The following DMTF1 variants were observed in gnomAD, a reference collection of about 807,000 sequenced individuals.
DMTF1 encodes the protein cyclin D binding myb like transcription factor 1, also known as cyclin-D-binding Myb-like transcription factor 1.
A neutral mutation model predicts 91.1 loss-of-function variants in DMTF1; 39 were observed. The ratio of observed to expected loss-of-function variants is 0.43; its 90% CI spans 0.33 to 0.56. The LOEUF (loss-of-function observed/expected upper bound fraction) is 0.56, where lower values mean the gene tolerates loss of function less well. Ranked by LOEUF, DMTF1 falls within the 20% of genes least tolerant of loss-of-function variation. The probability of loss-of-function intolerance (pLI) is 0.05; values close to 1 mark genes in which losing one functional copy is unlikely to be tolerated. For missense variants in DMTF1, 750 were observed against 914.5 expected (o/e 0.82, Z 2.32); for synonymous variants, 338 against 309.5 (o/e 1.09, Z -0.97).
chr7:87,184,817 T>A (rs1033235094), intron 11 of DMTF1, 192 bp downstream of exon 11: 3 of 674,548 alleles, frequency 4.4e-6, no homozygotes, highest in East Asian at 5.8e-5. Context: ...TTTTTTTTTT[T>A]AGTGGGTTTA....
rs1246555917 is a variant in DMTF1 at position 87,188,166 on chromosome 7, T to A, written c.1276T>A (p.Ser426Thr). The A allele has an allele frequency of 1.2e-6, 2 of 1,613,956 alleles. No homozygotes were observed. The highest frequency in any genetic ancestry group is 1.7e-6 in the Non-Finnish European group (2 of 1,179,914). The change falls in exon 13 of 18, where the codon TCT becomes ACT. Residue 426 changes from serine (S) to threonine (T), a missense_variant. Transcript: ENST00000331242. Reference protein sequence around the residue: ...NPTLLENKSGSGVPNSNTNSS... With the variant: ...NPTLLENKSGTGVPNSNTNSS... ...AACGCTTTTGGAGAATAAATCAGGA[T>A]CTGGAGTTCCAAACAGTAATACCAA...
chr7:87,167,797 A>G (rs573321011), intron 4 of DMTF1, among the ~76,000 whole-genome samples: 6 of 152,280 alleles, frequency 3.9e-5, no homozygotes, highest in Middle Eastern at 3.4e-3. Flanking sequence ...TAATTTGACT[A>G]TCATTATGTT....
At position 87,193,940 on chromosome 7, in the gene DMTF1, T is replaced by C; in HGVS notation, c.1866T>C (p.Thr622=). The change falls in exon 16 of 18, where the codon ACT becomes ACC. Residue 622 remains threonine (T), a synonymous_variant. Coordinates refer to ENST00000331242, the MANE Select transcript of DMTF1 (RefSeq NM_001142327.2). ...ATGAAATTCATCACCCTAAGATGAC[T>C]GTGGAGCCATCATTTAATGATGCTC... ...FPDEIHHPKM[T]VEPSFNDAHV... 6.2e-7 allele frequency: 1 copy of C among 1,613,366 alleles called. No homozygotes were observed. The highest frequency in any genetic ancestry group is 8.5e-7 in the Non-Finnish European group (1 of 1,179,608).
At chr7:87,186,011 C>G in intron 12 of DMTF1, 31 bp downstream of exon 12, 1 of 1,612,146 alleles carries the variant, frequency 6.2e-7, no homozygotes, top group Non-Finnish European at 8.5e-7. Context: ...TAAGCTCCTC[C>G]CCTTTTCTTA....
intron 1 of DMTF1, among the ~76,000 whole-genome samples, chr7:87,154,029 A>G (rs1422895491): frequency 6.6e-6 from 1 of 152,224 alleles, no homozygotes; most frequent in African/African-American, 2.4e-5. Context: ...TTAAAGAATG[A>G]CTATGGCGAT....
chr7:87,157,226 T>TTA (rs1790986918), intron 1 of DMTF1, among the ~76,000 whole-genome samples: 1 of 152,150 alleles, frequency 6.6e-6, no homozygotes, highest in Non-Finnish European at 1.5e-5. Flanking sequence ...AACAAAATTG[T>TTA]GGTGCTATAT....
intron 5 of DMTF1, 33 bp downstream of exon 5, chr7:87,171,122 A>G (rs1794974513): frequency 7.0e-7 from 1 of 1,420,282 alleles, no homozygotes; most frequent in Non-Finnish European, 9.9e-7. Flanking sequence ...CCTCAGGAGG[A>G]TGATCCTTTA....
At chr7:87,153,463 A>T (rs1208591487) in intron 1 of DMTF1, among the ~76,000 whole-genome samples, 1 of 152,224 alleles carries the variant, frequency 6.6e-6, no homozygotes, top group Non-Finnish European at 1.5e-5. Context: ...AGAAGTGGCC[A>T]AGTGCCCTTT....
intron 8 of DMTF1, among the ~76,000 whole-genome samples, chr7:87,180,856 C>CTTTTTTTTTTTTTTTTTTTTTTTT (rs397889347): frequency 7.8e-6 from 1 of 127,698 alleles, no homozygotes; most frequent in African/African-American, 2.9e-5. Flanking sequence ...TTATTTTCAA[C>CTTTTTTTTTTTTTTTTTTTTTTTT]TTTTTTTTTT....
At chr7:87,184,991 A>G in intron 11 of DMTF1, 1 of 433,368 alleles carries the variant, frequency 2.3e-6, no homozygotes. Context: ...AGGGCTGTTC[A>G]GTCTCCATGC....
At chr7:87,183,550 A>G (rs1797813994) in intron 10 of DMTF1, among the ~76,000 whole-genome samples, 1 of 152,216 alleles carries the variant, frequency 6.6e-6, no homozygotes, top group African/African-American at 2.4e-5. Flanking sequence ...TCTTGAATCC[A>G]TCCACAGTAT....
rs1338693890 is a variant in DMTF1 at position 87,152,468 on chromosome 7, A to C, written c.-219A>C. The stretch of plus-strand genomic sequence containing the variant: ...GCGCTCGCTCACTCCAGCTGCAGCC[A>C]CTCTCGCCCGTGGCTGCTTCCTCCA... On this transcript the variant is annotated 5_prime_UTR_variant, in exon 1 of 18. Transcript: ENST00000331242. 6.5e-6 allele frequency: 1 copy of C among 153,146 alleles called. No homozygotes were observed. The highest frequency in any genetic ancestry group is 2.4e-5 in the African/African-American group (1 of 41,290). 9.5% of individuals were successfully genotyped at this position (153,146 alleles called of 1,614,324 possible).
intron 1 of DMTF1, among the ~76,000 whole-genome samples, chr7:87,158,932 C>G: frequency 6.6e-6 from 1 of 151,938 alleles, no homozygotes; most frequent in East Asian, 1.9e-4. Context: ...CAAAAATGAT[C>G]TGGCTCACTG....
intron 10 of DMTF1, among the ~76,000 whole-genome samples, chr7:87,182,824 C>A (rs1335207648): frequency 1.3e-5 from 2 of 152,110 alleles, no homozygotes; most frequent in African/African-American, 4.8e-5. Context: ...GTATATTTTT[C>A]CATAGAAAAA....
chr7:87,173,502 T>TGTTTC, intron 5 of DMTF1, 33 bp from the exon 6 acceptor site: 1 of 1,452,922 alleles, frequency 6.9e-7, no homozygotes, highest in Non-Finnish European at 9.5e-7. Context: ...TGTTTTGTTT[T>TGTTTC]GTTTTGTTTT....
At chr7:87,173,494 T>TTTTGA in intron 5 of DMTF1, 41 bp from the exon 6 acceptor site, 1 of 1,371,432 alleles carries the variant, frequency 7.3e-7, no homozygotes, top group Non-Finnish European at 1.0e-6. Context: ...CATTTTTTTG[T>TTTTGA]TTTGTTTTGT....
intron 13 of DMTF1, among the ~76,000 whole-genome samples, chr7:87,188,724 A>G (rs546806840): frequency 6.6e-6 from 1 of 152,270 alleles, no homozygotes; most frequent in South Asian, 2.1e-4. Flanking sequence ...TGGTAAAGAA[A>G]TGAGTTTTGG....
At chr7:87,155,942 C>T (rs1403628545) in intron 1 of DMTF1, among the ~76,000 whole-genome samples, 3 of 151,832 alleles carry the variant, frequency 2.0e-5, no homozygotes, top group African/African-American at 7.3e-5. Context: ...GATTCATTCA[C>T]TTCCCATCAG....
chr7:87,174,370 A>G (rs1795790524), intron 6 of DMTF1, among the ~76,000 whole-genome samples: 1 of 151,996 alleles, frequency 6.6e-6, no homozygotes, highest in Admixed American at 6.6e-5. Context: ...TCTTTTAATT[A>G]CCATTGTCTT....
Sources: allele counts gnomAD v4.1 joint callset (sites outside exome capture counted in the v4.1 genomes callset), GRCh38; gene constraint gnomAD v4.1.1; transcripts MANE v1.5; gene names NCBI Gene and HGNC (gene_info 2026-07-23, HGNC 2026-07-21).